The following CCSER1 variants were observed in gnomAD, a reference collection of about 807,000 sequenced individuals.
The protein encoded by CCSER1 is coiled-coil serine rich protein 1.
In CCSER1, 41 loss-of-function variants were observed where a neutral mutation model predicts 82.0. The ratio of observed to expected loss-of-function variants is 0.50; its 90% CI spans 0.39 to 0.65. CCSER1 has a LOEUF of 0.65. Among genes scored for constraint, CCSER1 ranks in the 30% least tolerant of loss-of-function variants. The pLI, the probability that CCSER1 is intolerant of heterozygous loss-of-function variation, is 0.00. For synonymous variants in CCSER1, 414 were observed against 383.9 expected (o/e 1.08, Z -0.92); for missense variants, 1,119 against 1,064.2 (o/e 1.05, Z -0.72).
intron 1 of CCSER1, among the ~76,000 whole-genome samples, chr4:90,263,490 A>G (rs1411110468): frequency 6.6e-6 from 1 of 152,164 alleles, no homozygotes; most frequent in African/African-American, 2.4e-5. Context: ...GGTTATAATC[A>G]TAGTGAACTT....
intron 10 of CCSER1, among the ~76,000 whole-genome samples, chr4:91,162,911 T>C (rs571152840): frequency 6.6e-5 from 10 of 152,076 alleles, no homozygotes; most frequent in Non-Finnish European, 4.4e-5. Flanking sequence ...TTTTGAAGGG[T>C]TTTTTGTGTC....
intron 8 of CCSER1, among the ~76,000 whole-genome samples, chr4:90,909,139 C>G (rs966815974): frequency 5.3e-5 from 8 of 152,136 alleles, no homozygotes; most frequent in African/African-American, 1.7e-4. Context: ...TAGTTTCTAC[C>G]TCTGTCTTCA....
intron 10 of CCSER1, among the ~76,000 whole-genome samples, chr4:91,378,269 T>A (rs1440152543): frequency 1.3e-5 from 2 of 152,224 alleles, no homozygotes; most frequent in Non-Finnish European, 2.9e-5. Context: ...TAAAGTAGAT[T>A]TTTCCAATTC....
At chr4:90,963,140 A>G (rs1734205959) in intron 9 of CCSER1, among the ~76,000 whole-genome samples, 1 of 152,190 alleles carries the variant, frequency 6.6e-6, no homozygotes, top group South Asian at 2.1e-4. Flanking sequence ...GTTGTACTGA[A>G]CAGCTCTTAT....
At chr4:90,822,980 T>G (rs912575906) in intron 8 of CCSER1, among the ~76,000 whole-genome samples, 1 of 149,622 alleles carries the variant, frequency 6.7e-6, no homozygotes, top group African/African-American at 2.5e-5. Flanking sequence ...AAATTTAAGT[T>G]ACCTCTGTTT....
At chr4:90,596,984 C>T (rs1460727501) in intron 5 of CCSER1, among the ~76,000 whole-genome samples, 1 of 151,842 alleles carries the variant, frequency 6.6e-6, no homozygotes, top group African/African-American at 2.4e-5. Flanking sequence ...AAAGAGTTTT[C>T]AGTGTTTTTA....
At chr4:91,137,660 C>T (rs1266254554) in intron 10 of CCSER1, among the ~76,000 whole-genome samples, 4 of 149,292 alleles carry the variant, frequency 2.7e-5, no homozygotes, top group Admixed American at 1.3e-4. Context: ...TCTCCACATC[C>T]TCTCCAGCAC....
intron 7 of CCSER1, among the ~76,000 whole-genome samples, chr4:90,770,734 A>G (rs990898031): frequency 1.3e-5 from 2 of 152,080 alleles, no homozygotes; most frequent in African/African-American, 2.4e-5. Flanking sequence ...ATGCTTCATT[A>G]TTTCTTTGTC....
intron 1 of CCSER1, among the ~76,000 whole-genome samples, chr4:90,159,112 C>G (rs1670997933): frequency 6.6e-6 from 1 of 152,120 alleles, no homozygotes; most frequent in Non-Finnish European, 1.5e-5. Context: ...TAGCTCCCTG[C>G]AGCCTCAAAC....
intron 1 of CCSER1, among the ~76,000 whole-genome samples, chr4:90,173,370 T>C (rs1236485289): frequency 4.0e-5 from 6 of 151,806 alleles, no homozygotes; most frequent in Non-Finnish European, 8.8e-5. Flanking sequence ...GGATAAATAT[T>C]TCAAGAAGCA....
rs1053262503 is a variant in CCSER1 at position 91,332,337 on chromosome 4, T to C, written c.2217+246343T>C. Among the ~76,000 whole-genome samples the C allele has an allele frequency of 2.0e-5, 3 of 151,996 alleles. No homozygotes were observed. In the East Asian group the frequency reaches 5.8e-4, roughly 29 times the overall value. ...TTATCCCTCTCATTGTCAACATTAC[T>C]GGAGTGCTTACAAACCCTGTGGGAA... On this transcript the variant is annotated intron_variant, in intron 10 of 10. Transcript: ENST00000509176.
At chr4:90,202,368 A>G (rs541323031) in intron 1 of CCSER1, among the ~76,000 whole-genome samples, 247 of 152,108 alleles carry the variant, frequency 1.6e-3, no homozygotes, top group Middle Eastern at 6.8e-3. Context: ...ATGCCTGGCT[A>G]ACTTTGGTAT....
intron 3 of CCSER1, among the ~76,000 whole-genome samples, chr4:90,386,218 G>T (rs1750023704): frequency 6.6e-6 from 1 of 152,132 alleles, no homozygotes; most frequent in African/African-American, 2.4e-5. Context: ...TAAGCAAAAA[G>T]AACAAATCTG....
At chr4:90,999,536 A>G (rs773563761) in intron 9 of CCSER1, among the ~76,000 whole-genome samples, 1 of 152,102 alleles carries the variant, frequency 6.6e-6, no homozygotes, top group Non-Finnish European at 1.5e-5. Context: ...TTCTTTTGAG[A>G]AGTGTCTATT....
rs571185148 is a variant in CCSER1 at position 91,570,229 on chromosome 4, G to C, written c.2218-28343G>C. Among the ~76,000 whole-genome samples the C allele has an allele frequency of 1.1e-4, 16 of 152,280 alleles. 1 individual carries two copies. In the South Asian group the frequency reaches 3.3e-3, roughly 32 times the overall value. On this transcript the variant is annotated intron_variant, in intron 10 of 10. Transcript: ENST00000509176. ...AGCCCCAGTTCTGGTTGCTTTCATG[G>C]GTTGGCATGAGTGCCTTTGGCTTTT...
At chr4:91,387,930 A>G (rs1191830229) in intron 10 of CCSER1, among the ~76,000 whole-genome samples, 4 of 152,094 alleles carry the variant, frequency 2.6e-5, no homozygotes, top group Non-Finnish European at 4.4e-5. Context: ...TATTCATGAA[A>G]TGTAGAAAAA....
chr4:91,474,359 A>G (rs1757444416), intron 10 of CCSER1, among the ~76,000 whole-genome samples: 1 of 151,960 alleles, frequency 6.6e-6, no homozygotes, highest in East Asian at 1.9e-4. Context: ...TTTATTTCTT[A>G]TATTGTGTTA....
chr4:91,484,159 T>A (rs141360013), intron 10 of CCSER1, among the ~76,000 whole-genome samples: 22 of 152,094 alleles, frequency 1.4e-4, no homozygotes, highest in Non-Finnish European at 2.6e-4. Flanking sequence ...TCTAGTCCAG[T>A]CTTAATATTT....
chr4:91,514,651 C>T (rs547501526), intron 10 of CCSER1, among the ~76,000 whole-genome samples: 3 of 151,920 alleles, frequency 2.0e-5, no homozygotes, highest in Non-Finnish European at 2.9e-5. Context: ...TTTGGATTAG[C>T]TTATGTGATT....
Sources: gnomAD v4.1 joint callset for allele counts (sites outside exome capture counted in the v4.1 genomes callset) on GRCh38, gnomAD v4.1.1 for gene constraint, MANE v1.5 for transcripts, NCBI Gene and HGNC (gene_info 2026-07-23, HGNC 2026-07-21) for gene names.